The following SGSM3 variants were observed in gnomAD, a reference collection of about 807,000 sequenced individuals.
SGSM3 encodes the protein RUN and SH3 containing 3.
In SGSM3, 96 loss-of-function variants were observed where a neutral mutation model predicts 100.5. The observed-to-expected ratio is 0.96, with a 90% CI of 0.81 to 1.13. SGSM3 has a LOEUF of 1.13. Among genes scored for constraint, SGSM3 ranks in the 50% most tolerant of loss-of-function variants. The probability of loss-of-function intolerance (pLI) is 0.00; values close to 1 mark genes in which losing one functional copy is unlikely to be tolerated. For synonymous variants in SGSM3, 483 were observed against 422.8 expected (o/e 1.14, Z -1.75); for missense variants, 1,001 against 1,015.8 (o/e 0.99, Z 0.20).
At chr22:40,393,485 C>G (rs923240191) in intron 1 of SGSM3, among the ~76,000 whole-genome samples, 3 of 152,194 alleles carry the variant, frequency 2.0e-5, no homozygotes, top group African/African-American at 7.2e-5. Flanking sequence ...TTCTTCTGTT[C>G]CTTCTTCAAC....
chr22:40,409,177 G>C (rs1239965339), intron 19 of SGSM3, 73 bp from the exon 20 acceptor site: 1 of 1,557,394 alleles, frequency 6.4e-7, no homozygotes, highest in Non-Finnish European at 8.7e-7. Context: ...AGACAGGTCA[G>C]AGGCTTCCAC....
At position 40,406,206 on chromosome 22, in the gene SGSM3, G is replaced by A. The variant is rs760897764; in HGVS notation, c.943G>A (p.Gly315Ser). ...CCGGGTGCTGTTCCAGCTCACGCTGGGCATGCTGCACCTCAAGGTGCTCCA... is the reference window on the plus strand; with the variant it reads ...CCGGGTGCTGTTCCAGCTCACGCTGAGCATGCTGCACCTCAAGGTGCTCCA... ...GSRVLFQLTL[G>S]MLHLKEEELI... Residue 315 changes from glycine (G) to serine (S), a missense_variant, in exon 9 of 22, where the codon GGC becomes AGC. By Grantham distance (56) the Gly-to-Ser change is moderately conservative. Coordinates refer to ENST00000248929, the MANE Select transcript of SGSM3 (RefSeq NM_015705.6). 1.2e-6 allele frequency: 2 copies of A among 1,614,032 alleles called. No individual in the cohort carries two copies. The highest frequency in any genetic ancestry group is 4.5e-5 in the East Asian group (2 of 44,878).
In SGSM3 at chr22:40,408,655, T is replaced by C; in HGVS notation, c.1811T>C (p.Phe604Ser). 1 of 1,613,970 alleles carries C rather than the reference T, an allele frequency of 6.2e-7. No homozygotes were observed. Among genetic ancestry groups the C allele is most frequent in the Non-Finnish European group, 8.5e-7 (1 of 1,179,998 alleles). ...GCAGGCCGGGAGGTCGAGAGAGACT[T>C]TGCCTCCGTGTATTCCCGTCTGGTG... ...EAAGREVERDFASVYSRLVLC... is the reference protein window; with the variant it reads ...EAAGREVERDSASVYSRLVLC... The change falls in exon 17 of 22, where the codon TTT becomes TCT. Residue 604 changes from phenylalanine to serine, a missense_variant. Phe to Ser is a radical substitution (Grantham distance 155, BLOSUM62 -2). Coordinates refer to ENST00000248929, the MANE Select transcript of SGSM3 (RefSeq NM_015705.6).
chr22:40,400,695 G>T lies in SGSM3; in HGVS notation c.-111-1G>T. The T allele has an allele frequency of 9.9e-7, 1 of 1,013,814 alleles. No homozygotes were observed. Among genetic ancestry groups the T allele is most frequent in the South Asian group, 1.4e-5 (1 of 70,738 alleles). The allele number at this position is 1,013,814 out of a possible 1,614,324, so 62.8% of individuals were successfully genotyped here. On this transcript the variant is annotated splice_acceptor_variant, in intron 1 of 21. Transcript: ENST00000248929. LOFTEE classifies it low-confidence loss of function (5UTR_SPLICE). The stretch of plus-strand genomic sequence containing the variant: ...GACTTTCCTCTTTTCTCTTCTAACA[G>T]GGCAGATGATTCTGGACCAGATGAA...
chr22:40,409,444 C>T lies in SGSM3; in HGVS notation c.2112-21C>T, dbSNP rs116839706. On this transcript the variant is annotated intron_variant, in intron 20 of 21. Coordinates refer to ENST00000248929, the MANE Select transcript of SGSM3 (RefSeq NM_015705.6). ...CTAGCTGGGGGTGACAAGAGCCTTA[C>T]CACCCCTTCCTCACCTCTAGAGTCC... is the stretch of plus-strand genomic sequence containing the variant. 1.4e-5 allele frequency: 22 copies of T among 1,566,418 alleles called. No individual in the cohort carries two copies. The Middle Eastern group carries it at 6.8e-4, about 48-fold the overall frequency.
At position 40,409,947 on chromosome 22, in the gene SGSM3, G is replaced by C; in HGVS notation, c.*188G>C. 11 of 1,397,126 alleles carry C rather than the reference G, an allele frequency of 7.9e-6. No homozygotes were observed. The highest frequency in any genetic ancestry group is 2.7e-5 in the East Asian group (1 of 36,948). 86.5% of individuals were successfully genotyped at this position (1,397,126 alleles called of 1,614,324 possible). ...AGCAGAGGGTACCCTGCCCCACCAG[G>C]GTCCTTAGGGATGCTCTAGGCCAAA... On this transcript the variant is annotated 3_prime_UTR_variant, in exon 22 of 22. Transcript: ENST00000248929.
At chr22:40,397,421 AAT>A (rs2050182885) in intron 1 of SGSM3, among the ~76,000 whole-genome samples, 1 of 152,026 alleles carries the variant, frequency 6.6e-6, no homozygotes, top group African/African-American at 2.4e-5. Flanking sequence ...AATATGATAA[AAT>A]ATATCCATAA....
At chr22:40,372,122 C>CTTTTTTTTTTTT (rs58396730) in intron 1 of SGSM3, among the ~76,000 whole-genome samples, 5 of 65,198 alleles carry the variant, frequency 7.7e-5, no homozygotes, top group Non-Finnish European at 1.1e-4. Flanking sequence ...TCCCCCCCCC[C>CTTTTTTTTTTTT]TTTTTTTTTT....
Position 40,404,931 on chromosome 22 carries a change from C to T in SGSM3, c.475-210C>T, listed in dbSNP as rs916739787. 4.6e-5 allele frequency among the ~76,000 whole-genome samples: 7 copies of T among 152,176 alleles called. No homozygotes were observed. In the East Asian group the frequency reaches 5.8e-4, roughly 13 times the overall value. ...TATAGACTCCAGGCCTCGGGCCACA[C>T]GTTTTCAGGTGGTCTGGCATGAAGT... is the stretch of plus-strand genomic sequence containing the variant. On this transcript the variant is annotated intron_variant, in intron 6 of 21. Coordinates refer to ENST00000248929, the MANE Select transcript of SGSM3 (RefSeq NM_015705.6).
At position 40,410,198 on chromosome 22, in the gene SGSM3, C is replaced by T. The variant is rs542797638; in HGVS notation, c.*439C>T. Reference sequence around the variant, plus strand: ...TCCTTGAGTGGTCTAGAAGGCACTGCGTGGCCCCTCAGATGCTGGGACACA... The same window carrying T: ...TCCTTGAGTGGTCTAGAAGGCACTGTGTGGCCCCTCAGATGCTGGGACACA... On this transcript the variant is annotated 3_prime_UTR_variant, in exon 22 of 22. Coordinates refer to ENST00000248929, the MANE Select transcript of SGSM3 (RefSeq NM_015705.6). The T allele has an allele frequency of 4.5e-5, 48 of 1,062,560 alleles. No homozygotes were observed. Among genetic ancestry groups the T allele is most frequent in the African/African-American group, 3.1e-4 (19 of 60,756 alleles). 65.8% of individuals were successfully genotyped at this position (1,062,560 alleles called of 1,614,324 possible). A position where few individuals can be genotyped will look rare whatever the true frequency, so the allele number is the denominator to read the frequency against.
Position 40,406,618 on chromosome 22 carries a change from C to A in SGSM3, c.1141C>A (p.Gln381Lys). 6.2e-7 allele frequency: 1 copy of A among 1,609,710 alleles called. No homozygotes were observed. Among genetic ancestry groups the A allele is most frequent in the East Asian group, 2.2e-5 (1 of 44,722 alleles). Residue 381 changes from glutamine (Q) to lysine (K), a missense_variant, in exon 10 of 22, where the codon CAG (glutamine) becomes AAG (lysine). Physicochemically the swap from Gln to Lys is moderately conservative, Grantham distance 53. Coordinates refer to ENST00000248929, the MANE Select transcript of SGSM3 (RefSeq NM_015705.6). ...RKHLAYLIAD[Q>K]GQLLGAGTLT... ...GCACCTGGCCTATCTCATTGCAGACCAGGGCCAGCTCCTGGGGGCCGGCAC... is the reference window on the plus strand; with the variant it reads ...GCACCTGGCCTATCTCATTGCAGACAAGGGCCAGCTCCTGGGGGCCGGCAC...
chr22:40,382,841 C>A (rs575191701), intron 1 of SGSM3, among the ~76,000 whole-genome samples: 14 of 152,142 alleles, frequency 9.2e-5, no homozygotes, highest in Admixed American at 2.6e-4. Context: ...TACCTATTAT[C>A]CTAATTTTAC....
intron 1 of SGSM3, among the ~76,000 whole-genome samples, chr22:40,393,625 A>G (rs2049654414): frequency 6.6e-6 from 1 of 151,898 alleles, no homozygotes; most frequent in South Asian, 2.1e-4. Context: ...ATGATCACCC[A>G]CTCCTTGTCT....
intron 1 of SGSM3, among the ~76,000 whole-genome samples, chr22:40,393,242 A>T (rs577799276): frequency 1.3e-5 from 2 of 152,232 alleles, no homozygotes; most frequent in South Asian, 4.1e-4. Context: ...TCGGCCTCCC[A>T]AATAGCTGGG....
rs202194574 is a variant in SGSM3, at chr22:40,405,684, G to C, written c.654G>C (p.Glu218Asp). The C allele has an allele frequency of 2.0e-5, 33 of 1,613,746 alleles. 1 individual carries two copies. The highest frequency in any genetic ancestry group is 1.4e-4 in the South Asian group (13 of 91,070). ...AACLLLFLEE[E>D]DAFWMMSAII... ...GCCTCCTGCTGTTCCTGGAGGAGGA[G>C]GACGCCTTCTGGATGATGTCTGCCA... Residue 218 changes from glutamate to aspartate, a missense_variant, in exon 8 of 22, where the codon GAG (glutamate) becomes GAC (aspartate). Transcript: ENST00000248929.
chr22:40,409,519 G>C lies in SGSM3; in HGVS notation c.2166G>C (p.Lys722Asn), dbSNP rs1166910399. ...CCCAGGACTGGGAGCTCCCTGCGAA[G>C]AGAGAGGTGGGTGGTGTGGGCCTCG... ...SLSQDWELPA[K>N]REAQQPLKEG... The change falls in exon 21 of 22, where the codon AAG becomes AAC. Residue 722 changes from lysine to asparagine, a missense_variant. Coordinates refer to ENST00000248929, the MANE Select transcript of SGSM3 (RefSeq NM_015705.6). 6.3e-7 allele frequency: 1 copy of C among 1,599,618 alleles called. No individual in the cohort carries two copies. The highest frequency in any genetic ancestry group is 1.8e-5 in the Admixed American group (1 of 56,136).
intron 1 of SGSM3, among the ~76,000 whole-genome samples, chr22:40,393,197 AC>A (rs1295180100): frequency 5.3e-5 from 8 of 152,122 alleles, no homozygotes; most frequent in Non-Finnish European, 1.2e-4. Flanking sequence ...GCTCACTGCA[AC>A]CTCCGCCTCC....
At chr22:40,392,660 G>T (rs560928080) in intron 1 of SGSM3, among the ~76,000 whole-genome samples, 1 of 152,210 alleles carries the variant, frequency 6.6e-6, no homozygotes, top group Non-Finnish European at 1.5e-5. Flanking sequence ...TACTTAAACT[G>T]TAATTATTTT....
At chr22:40,409,560 T>C (rs1483457215) in intron 21 of SGSM3, 35 bp downstream of exon 21, 4 of 1,612,280 alleles carry the variant, frequency 2.5e-6, no homozygotes, top group Non-Finnish European at 3.4e-6. Flanking sequence ...CCTGCACTGA[T>C]GGAGCTGCCC....
Sources: gnomAD v4.1 joint callset for allele counts (sites outside exome capture counted in the v4.1 genomes callset) on GRCh38, gnomAD v4.1.1 for gene constraint, MANE v1.5 for transcripts, NCBI Gene and HGNC (gene_info 2026-07-23, HGNC 2026-07-21) for gene names.